The following FILIP1L variants were observed in gnomAD, a reference collection of about 807,000 sequenced individuals.
FILIP1L encodes filamin A-interacting protein 1-like.
Under a neutral mutation model 96.6 loss-of-function variants are expected in FILIP1L, and 55 were observed. The ratio of observed to expected loss-of-function variants is 0.57; its 90% CI spans 0.46 to 0.71. FILIP1L has a LOEUF of 0.71. FILIP1L is among the 30% of genes least tolerant of loss of function. The probability of loss-of-function intolerance (pLI) is 0.00; values close to 1 mark genes in which losing one functional copy is unlikely to be tolerated. For synonymous variants in FILIP1L, 467 were observed against 473.9 expected, an observed-to-expected ratio of 0.99 and a Z score of 0.19; for missense variants, 1,304 against 1,321.2, an observed-to-expected ratio of 0.99 and a Z score of 0.20.
intron 5 of FILIP1L, among the ~76,000 whole-genome samples, chr3:99,840,568 T>G (rs1943090832): frequency 6.6e-6 from 1 of 152,158 alleles, no homozygotes; most frequent in Non-Finnish European, 1.5e-5. Context: ...TTTTGACATC[T>G]GTAAGTGGAA....
chr3:99,939,858 C>G (rs9872871), intron 1 of FILIP1L, among the ~76,000 whole-genome samples: 111,784 of 152,114 alleles, frequency 0.73, 41,781 homozygotes, highest in African/African-American at 0.88. Context: ...CAGTGGACCA[C>G]AGATAAAAAG....
intron 1 of FILIP1L, among the ~76,000 whole-genome samples, chr3:99,984,734 G>A (rs1216793273): frequency 6.6e-6 from 1 of 152,226 alleles, no homozygotes; most frequent in Non-Finnish European, 1.5e-5. Flanking sequence ...AGTAAGAATA[G>A]AAAGATCTAT....
At chr3:100,096,885 A>T (rs1285594677) in intron 1 of FILIP1L, among the ~76,000 whole-genome samples, 1 of 152,184 alleles carries the variant, frequency 6.6e-6, no homozygotes, top group Non-Finnish European at 1.5e-5. Context: ...CCCCATAAAT[A>T]TATACACCTA....
intron 1 of FILIP1L, among the ~76,000 whole-genome samples, chr3:99,998,839 G>A (rs528229427): frequency 1.3e-5 from 2 of 152,174 alleles, no homozygotes; most frequent in South Asian, 2.1e-4. Flanking sequence ...AAAGTAATGG[G>A]ATTACAGGCG....
intron 1 of FILIP1L, chr3:100,040,335 T>G (rs1250597599): frequency 6.6e-6 from 1 of 152,240 alleles, no homozygotes; most frequent in Non-Finnish European, 1.5e-5. Flanking sequence ...TAAATACTAT[T>G]TATCCAGGCC....
At chr3:100,055,477 T>G (rs989657322) in intron 1 of FILIP1L, among the ~76,000 whole-genome samples, 1 of 152,238 alleles carries the variant, frequency 6.6e-6, no homozygotes, top group Non-Finnish European at 1.5e-5. Flanking sequence ...GATTTGTCTC[T>G]CGTTAAGTAT....
intron 1 of FILIP1L, among the ~76,000 whole-genome samples, chr3:100,013,383 A>G (rs1710223793): frequency 6.6e-6 from 1 of 152,052 alleles, no homozygotes. Flanking sequence ...AGCTGGGATT[A>G]CAGTCACATA....
At chr3:99,838,979 C>T (rs968298277) in intron 5 of FILIP1L, among the ~76,000 whole-genome samples, 22 of 152,148 alleles carry the variant, frequency 1.4e-4, no homozygotes, top group African/African-American at 5.3e-4. Context: ...CCAACCATCT[C>T]AACTTCATCC....
chr3:99,876,534 T>G (rs1447466460), intron 4 of FILIP1L, among the ~76,000 whole-genome samples: 2 of 152,262 alleles, frequency 1.3e-5, no homozygotes, highest in Admixed American at 1.3e-4. Context: ...GTTATTCTTA[T>G]GTAAACTTTT....
intron 1 of FILIP1L, among the ~76,000 whole-genome samples, chr3:100,009,455 G>C (rs1029147196): frequency 6.6e-6 from 1 of 152,142 alleles, no homozygotes; most frequent in Non-Finnish European, 1.5e-5. Flanking sequence ...AGACTAGAGG[G>C]CTGGGGTGAC....
intron 3 of FILIP1L, among the ~76,000 whole-genome samples, chr3:99,927,025 C>G (rs1254805225): frequency 6.6e-6 from 1 of 152,200 alleles, no homozygotes; most frequent in African/African-American, 2.4e-5. Context: ...TCTGAACCTC[C>G]TGCCACCTTG....
chr3:99,950,315 T>G (rs1289407666), intron 1 of FILIP1L, among the ~76,000 whole-genome samples: 1 of 152,206 alleles, frequency 6.6e-6, no homozygotes, highest in Non-Finnish European at 1.5e-5. Context: ...GTTAGAAATT[T>G]TTACAGCATC....
chr3:100,031,506 C>A (rs765199420), intron 1 of FILIP1L, among the ~76,000 whole-genome samples: 9 of 151,898 alleles, frequency 5.9e-5, no homozygotes, highest in Non-Finnish European at 1.0e-4. Flanking sequence ...AAATTCAGAG[C>A]GCAACAAGGA....
intron 5 of FILIP1L, among the ~76,000 whole-genome samples, chr3:99,841,104 G>A (rs747431832): frequency 1.2e-4 from 18 of 152,200 alleles, no homozygotes; most frequent in Non-Finnish European, 7.3e-5. Context: ...TGGATTGATC[G>A]ATTGTGTACA....
At chr3:99,987,468 G>T (rs190900441) in intron 1 of FILIP1L, among the ~76,000 whole-genome samples, 3,087 of 148,204 alleles carry the variant, frequency 0.021, 52 homozygotes, top group Non-Finnish European at 0.035. Context: ...GGCAGAGGTT[G>T]CAGTGAGCCA....
chr3:100,062,093 C>CCTTTTT (rs2065577584), intron 1 of FILIP1L, among the ~76,000 whole-genome samples: 2 of 53,154 alleles, frequency 3.8e-5, no homozygotes, highest in African/African-American at 1.8e-4. Flanking sequence ...CTGTCTTCTT[C>CCTTTTT]TTTTTTTTTT....
chr3:99,912,437 C>T (rs919106961), intron 4 of FILIP1L, among the ~76,000 whole-genome samples: 3 of 152,252 alleles, frequency 2.0e-5, no homozygotes, highest in Middle Eastern at 3.4e-3. Context: ...AGTATAATGG[C>T]GTGATCTCGG....
chr3:99,998,707 C>T (rs1709754291), intron 1 of FILIP1L, among the ~76,000 whole-genome samples: 2 of 152,158 alleles, frequency 1.3e-5, no homozygotes, highest in Admixed American at 1.3e-4. Context: ...GGACTACAAG[C>T]ACATGCCACC....
At chr3:99,901,213 A>C (rs1706425006) in intron 4 of FILIP1L, among the ~76,000 whole-genome samples, 1 of 152,238 alleles carries the variant, frequency 6.6e-6, no homozygotes, top group Non-Finnish European at 1.5e-5. Context: ...AGAAAAACAA[A>C]ATGGCTACAC....
Sources: gnomAD v4.1 joint callset for allele counts (sites outside exome capture counted in the v4.1 genomes callset) on GRCh38, gnomAD v4.1.1 for gene constraint, MANE v1.5 for transcripts, NCBI Gene and HGNC (gene_info 2026-07-23, HGNC 2026-07-21) for gene names.